PRIM2: variants seen among roughly 807,000 people sequenced by gnomAD.
The protein encoded by PRIM2 is DNA primase large subunit.
PRIM2 carries 39 observed loss-of-function variants against 67.3 expected under a neutral mutation model. The ratio of observed to expected loss-of-function variants is 0.58; its 90% confidence interval spans 0.45 to 0.76. The LOEUF (loss-of-function observed/expected upper bound fraction) is 0.76. Among genes scored for constraint, PRIM2 ranks in the 30% least tolerant of loss-of-function variants. The pLI is 0.00. For synonymous variants in PRIM2, 143 were observed against 198.7 expected (o/e 0.72, Z 2.36); for missense variants, 398 against 598.7 (o/e 0.66, Z 3.50).
the PRIM2 span, among the ~76,000 whole-genome samples, chr6:57,239,563 C>G: frequency 6.6e-6 from 1 of 151,914 alleles, no homozygotes; most frequent in Non-Finnish European, 1.5e-5. Flanking sequence ...GGCGAGACCC[C>G]AAATCCCATC....
intron 12 of PRIM2, among the ~76,000 whole-genome samples, chr6:57,609,172 A>G (rs1265488131): frequency 1.3e-5 from 2 of 152,204 alleles, no homozygotes; most frequent in African/African-American, 4.8e-5. Context: ...GGTGGTATGC[A>G]GAGAGAGGCA....
At chr6:57,277,621 G>T in the PRIM2 span, among the ~76,000 whole-genome samples, 1 of 151,946 alleles carries the variant, frequency 6.6e-6, no homozygotes, top group Non-Finnish European at 1.5e-5. Context: ...CTTCTGCTTG[G>T]AAAATGAGTT....
At position 57,382,090 on chromosome 6, in the gene PRIM2, CT is replaced by C. The variant is rs747353266; in HGVS notation, c.618del (p.Phe206LeufsTer14). 7.1e-5 allele frequency: 115 copies of C among 1,612,988 alleles called. No individual in the cohort carries two copies. The highest frequency in any genetic ancestry group is 9.5e-5 in the Non-Finnish European group (112 of 1,179,456). ...GAAGGAAAGTCTATTTGGAAGATGG[CT>C]TTGCTTACGTACCACTTAAGGACAT... ...RGRKVYLEDG[F>X]AYVPLKDIVA... is the part of the protein sequence containing the mutation. On this transcript the variant is annotated frameshift_variant, in exon 7 of 14. Transcript: ENST00000615550. LOFTEE classifies it high-confidence loss of function.
upstream of PRIM2, among the ~76,000 whole-genome samples, chr6:57,316,412 G>A (rs1291014555): frequency 6.6e-6 from 1 of 152,126 alleles, no homozygotes; most frequent in African/African-American, 2.4e-5. Flanking sequence ...ACTCTGTCTC[G>A]GGTATTGGTG....
At chr6:57,419,757 C>G (rs1488014994) in intron 7 of PRIM2, among the ~76,000 whole-genome samples, 1 of 152,032 alleles carries the variant, frequency 6.6e-6, no homozygotes, top group East Asian at 1.9e-4. Context: ...TGAATAAAGT[C>G]TTACATTTGG....
At chr6:57,403,909 A>G (rs1228120820) in intron 7 of PRIM2, among the ~76,000 whole-genome samples, 1 of 150,134 alleles carries the variant, frequency 6.7e-6, no homozygotes, top group South Asian at 2.1e-4. Context: ...GACTTTTGTC[A>G]TCATTTTGGA....
At chr6:57,539,244 C>G (rs1214763513) in intron 10 of PRIM2, among the ~76,000 whole-genome samples, 14 of 152,046 alleles carry the variant, frequency 9.2e-5, no homozygotes, top group Admixed American at 9.2e-4. Context: ...CTGTTATCCT[C>G]CAATTTGAAA....
At chr6:57,628,008 T>C (rs1210877508) in intron 12 of PRIM2, among the ~76,000 whole-genome samples, 1 of 152,168 alleles carries the variant, frequency 6.6e-6, no homozygotes, top group Non-Finnish European at 1.5e-5. Flanking sequence ...TTGGTATTAT[T>C]GCAATATGCA....
intron 7 of PRIM2, among the ~76,000 whole-genome samples, chr6:57,438,780 T>C (rs536329704): frequency 5.6e-4 from 86 of 152,262 alleles, no homozygotes; most frequent in Non-Finnish European, 1.0e-3. Flanking sequence ...TTTTTTTCTT[T>C]TTTTTTGGGG....
chr6:57,339,861 C>G (rs1562702296), intron 5 of PRIM2, among the ~76,000 whole-genome samples: 1 of 151,738 alleles, frequency 6.6e-6, no homozygotes, highest in Admixed American at 6.6e-5. Flanking sequence ...CAAATGGGAT[C>G]TAATTAAACT....
intron 5 of PRIM2, among the ~76,000 whole-genome samples, chr6:57,327,037 G>T (rs1463917040): frequency 6.6e-6 from 1 of 151,530 alleles, no homozygotes; most frequent in Non-Finnish European, 1.5e-5. Flanking sequence ...CTGAGTAGCT[G>T]TGACTACAGG....
chr6:57,550,160 A>G (rs1775371920), intron 10 of PRIM2, among the ~76,000 whole-genome samples: 1 of 152,110 alleles, frequency 6.6e-6, no homozygotes, highest in African/African-American at 2.4e-5. Context: ...TTTGGGCAGC[A>G]ATTTTAAAGG....
At chr6:57,256,627 CTCTT>C in the PRIM2 span, among the ~76,000 whole-genome samples, 3 of 120,418 alleles carry the variant, frequency 2.5e-5, no homozygotes, top group Admixed American at 9.7e-5. Context: ...CTTTCTCTTT[CTCTT>C]ACACACACAC....
chr6:57,570,223 A>G (rs1430666604), intron 10 of PRIM2, among the ~76,000 whole-genome samples: 1 of 152,204 alleles, frequency 6.6e-6, no homozygotes, highest in Non-Finnish European at 1.5e-5. Context: ...ATCTAAGTTA[A>G]CTGATGTGAA....
At chr6:57,575,376 T>C (rs1355443767) in intron 10 of PRIM2, among the ~76,000 whole-genome samples, 1 of 152,212 alleles carries the variant, frequency 6.6e-6, no homozygotes, top group Non-Finnish European at 1.5e-5. Context: ...AACACAACTA[T>C]GATGTATTTG....
chr6:57,305,525 C>A, the PRIM2 span, among the ~76,000 whole-genome samples: 1 of 152,196 alleles, frequency 6.6e-6, no homozygotes, highest in Non-Finnish European at 1.5e-5. Flanking sequence ...CAGAGAGCAA[C>A]TGATGTTGCC....
At chr6:57,619,667 A>G (rs2127496590) in intron 12 of PRIM2, among the ~76,000 whole-genome samples, 1 of 152,290 alleles carries the variant, frequency 6.6e-6, no homozygotes, top group Non-Finnish European at 1.5e-5. Flanking sequence ...GAAGAAAGAA[A>G]TTCAGAGCTT....
chr6:57,493,076 G>A (rs1455082096), intron 7 of PRIM2, among the ~76,000 whole-genome samples: 111 of 152,328 alleles, frequency 7.3e-4, no homozygotes, highest in Non-Finnish European at 1.3e-3. Flanking sequence ...AGTCCAGATA[G>A]TTCCGCCTGG....
intron 7 of PRIM2, among the ~76,000 whole-genome samples, chr6:57,419,899 G>C (rs7765456): frequency 1.3e-5 from 2 of 152,104 alleles, no homozygotes; most frequent in African/African-American, 4.8e-5. Flanking sequence ...TCGTTGATTA[G>C]ACTCACCTCT....
Sources: gnomAD v4.1 joint callset for allele counts (sites outside exome capture counted in the v4.1 genomes callset) on GRCh38, gnomAD v4.1.1 for gene constraint, MANE v1.5 for transcripts, NCBI Gene and HGNC (gene_info 2026-07-23, HGNC 2026-07-21) for gene names.